MACROD2: variants seen among roughly 807,000 people sequenced by gnomAD.
The protein encoded by MACROD2 is mono-ADP ribosylhydrolase 2.
A neutral mutation model predicts 70.4 loss-of-function variants in MACROD2; 36 were observed. The ratio of observed to expected loss-of-function variants is 0.51; its 90% CI spans 0.39 to 0.68. The LOEUF is 0.68. Among genes scored for constraint, MACROD2 ranks in the 30% least tolerant of loss-of-function variants. The probability of loss-of-function intolerance (pLI) is 0.00; values close to 1 mark genes in which losing one functional copy is unlikely to be tolerated. For synonymous variants in MACROD2, 172 were observed against 178.8 expected, an observed-to-expected ratio of 0.96 and a Z score of 0.30; for missense variants, 496 against 538.4, an observed-to-expected ratio of 0.92 and a Z score of 0.78.
intron 3 of MACROD2, among the ~76,000 whole-genome samples, chr20:14,087,540 A>T (rs1228822083): frequency 6.6e-6 from 1 of 152,174 alleles, no homozygotes; most frequent in African/African-American, 2.4e-5. Context: ...TCTAAAATGT[A>T]AAAGTCTTCT....
At chr20:14,010,472 A>G (rs2052886439) in intron 2 of MACROD2, among the ~76,000 whole-genome samples, 1 of 152,114 alleles carries the variant, frequency 6.6e-6, no homozygotes, top group African/African-American at 2.4e-5. Context: ...TTTCTGTCTG[A>G]CTTTTTTGCC....
At chr20:15,485,272 C>T (rs2047149229) in intron 7 of MACROD2, among the ~76,000 whole-genome samples, 1 of 151,920 alleles carries the variant, frequency 6.6e-6, no homozygotes, top group African/African-American at 2.4e-5. Context: ...GAGCAAACAT[C>T]GACTCGATTT....
intron 8 of MACROD2, among the ~76,000 whole-genome samples, chr20:15,819,338 A>C (rs2063912278): frequency 7.2e-6 from 1 of 139,742 alleles, no homozygotes; most frequent in Admixed American, 7.4e-5. Context: ...TAAATATATA[A>C]GTATATAATT....
chr20:13,996,036 C>A (rs140996721), intron 1 of MACROD2, among the ~76,000 whole-genome samples: 7 of 152,190 alleles, frequency 4.6e-5, no homozygotes, highest in Non-Finnish European at 8.8e-5. Context: ...TGTGGGCGCA[C>A]GCCCCTCTCT....
At chr20:14,934,136 T>G (rs759970184) in intron 5 of MACROD2, among the ~76,000 whole-genome samples, 1 of 151,966 alleles carries the variant, frequency 6.6e-6, no homozygotes, top group Non-Finnish European at 1.5e-5. Context: ...CGTCAAAGAG[T>G]TTACCAAGAC....
intron 7 of MACROD2, among the ~76,000 whole-genome samples, chr20:15,445,122 A>G (rs2046545381): frequency 6.6e-6 from 1 of 152,172 alleles, no homozygotes; most frequent in African/African-American, 2.4e-5. Context: ...TATTTGAAGA[A>G]GGCTTTACTT....
At chr20:14,374,368 G>A (rs749676478) in intron 3 of MACROD2, among the ~76,000 whole-genome samples, 33 of 151,970 alleles carry the variant, frequency 2.2e-4, no homozygotes, top group Non-Finnish European at 3.7e-4. Flanking sequence ...AAAATACTGC[G>A]GAGCTTTAAA....
chr20:15,647,387 G>T (rs2049564214), intron 8 of MACROD2, among the ~76,000 whole-genome samples: 1 of 151,214 alleles, frequency 6.6e-6, no homozygotes, highest in Non-Finnish European at 1.5e-5. Context: ...TTCTATTACG[G>T]CATAAACATG....
intron 8 of MACROD2, among the ~76,000 whole-genome samples, chr20:15,700,343 T>A (rs1723656324): frequency 6.6e-6 from 1 of 152,164 alleles, no homozygotes; most frequent in African/African-American, 2.4e-5. Context: ...TGAGGGAGCA[T>A]CAGGCTGCAA....
chr20:15,797,505 T>G (rs959409603), intron 8 of MACROD2, among the ~76,000 whole-genome samples: 2 of 149,472 alleles, frequency 1.3e-5, no homozygotes, highest in African/African-American at 2.5e-5. Flanking sequence ...CAAAAAGAGC[T>G]CAAGGCTCAT....
At chr20:15,563,222 G>C (rs1035810881) in intron 8 of MACROD2, among the ~76,000 whole-genome samples, 1 of 152,182 alleles carries the variant, frequency 6.6e-6, no homozygotes, top group Non-Finnish European at 1.5e-5. Flanking sequence ...ATGTCTATCA[G>C]AGAAGATGGA....
chr20:15,532,914 A>G (rs2047824076), intron 8 of MACROD2, among the ~76,000 whole-genome samples: 1 of 152,178 alleles, frequency 6.6e-6, no homozygotes, highest in African/African-American at 2.4e-5. Flanking sequence ...ACCTGAGGTT[A>G]GAGTAGCCCA....
chr20:15,876,550 T>C (rs1046727627), intron 9 of MACROD2, among the ~76,000 whole-genome samples: 8 of 152,132 alleles, frequency 5.3e-5, no homozygotes, highest in Non-Finnish European at 8.8e-5. Context: ...TCTTTGCTAT[T>C]GTGAGTAGTG....
chr20:15,905,387 C>A (rs916819590), intron 10 of MACROD2, among the ~76,000 whole-genome samples: 7 of 152,090 alleles, frequency 4.6e-5, no homozygotes, highest in African/African-American at 1.7e-4. Flanking sequence ...TTTAAAGGTA[C>A]CTTTCTTTAA....
chr20:14,511,349 C>T (rs1408406654), intron 4 of MACROD2, among the ~76,000 whole-genome samples: 1 of 152,050 alleles, frequency 6.6e-6, no homozygotes, highest in Non-Finnish European at 1.5e-5. Flanking sequence ...TGTTATTTCA[C>T]ATTGCATGTC....
intron 2 of MACROD2, among the ~76,000 whole-genome samples, chr20:14,070,509 A>G (rs2053823803): frequency 6.6e-6 from 1 of 152,190 alleles, no homozygotes. Context: ...GATCATCTTG[A>G]TAATACATTT....
chr20:15,739,443 T>C (rs774328277), intron 8 of MACROD2, among the ~76,000 whole-genome samples: 3 of 152,074 alleles, frequency 2.0e-5, no homozygotes, highest in African/African-American at 7.2e-5. Context: ...ATTTAAAGGG[T>C]AAGGAGGCAT....
At position 15,770,704 on chromosome 20, in the gene MACROD2, C is replaced by T. The variant is rs773951447; in HGVS notation, c.646-92041C>T. ...TTTAATTCACGTGTGCTGGAGCAGA[C>T]CTGCCTTAGGCTGTAGGTCACCCAA... On this transcript the variant is annotated intron_variant, in intron 8 of 17. Transcript: ENST00000684519. Among the ~76,000 whole-genome samples the T allele has an allele frequency of 2.0e-5, 3 of 151,994 alleles. 1 individual carries two copies. Among genetic ancestry groups the T allele is most frequent in the Non-Finnish European group, 4.4e-5 (3 of 68,012 alleles).
intron 8 of MACROD2, among the ~76,000 whole-genome samples, chr20:15,549,644 G>T (rs2048069267): frequency 6.6e-6 from 1 of 152,102 alleles, no homozygotes; most frequent in Non-Finnish European, 1.5e-5. Flanking sequence ...CCTTCACATT[G>T]CTGTCACAAT....
Sources: gnomAD v4.1 joint callset for allele counts (sites outside exome capture counted in the v4.1 genomes callset) on GRCh38, gnomAD v4.1.1 for gene constraint, MANE v1.5 for transcripts, NCBI Gene and HGNC (gene_info 2026-07-23, HGNC 2026-07-21) for gene names.